Variants in DAB2IP observed in about 807,000 individuals in gnomAD.
The protein encoded by DAB2IP is disabled homolog 2-interacting protein.
A neutral mutation model predicts 107.2 loss-of-function variants in DAB2IP; 28 were observed. That is an observed-to-expected ratio of 0.26 (90% confidence interval 0.19 to 0.36). The LOEUF (loss-of-function observed/expected upper bound fraction) is 0.36, where lower values mean the gene tolerates loss of function less well. DAB2IP is among the 10% of genes least tolerant of loss of function. The probability of loss-of-function intolerance (pLI) is 1.00; values close to 1 mark genes in which losing one functional copy is unlikely to be tolerated. For synonymous variants in DAB2IP, 755 were observed against 706.4 expected (o/e 1.07, Z -1.09); for missense variants, 1,400 against 1,644.7 (o/e 0.85, Z 2.57).
chr9:121,783,300 C>T (rs1009780177), exon 16 of DAB2IP: 1 of 1,404,236 alleles, frequency 7.1e-7, no homozygotes, highest in South Asian at 1.5e-5. Flanking sequence ...GGCTGATGCT[C>T]TAGGGCTCCC....
chr9:121,658,420 A>G (rs73552161), intron 1 of DAB2IP, among the ~76,000 whole-genome samples: 7,692 of 152,282 alleles, frequency 0.051, 402 homozygotes, highest in East Asian at 0.18. Context: ...TGACAGTTGC[A>G]GGGAGGAGGG....
chr9:121,767,620 G>A (rs1000212937), intron 9 of DAB2IP, among the ~76,000 whole-genome samples: 12 of 152,204 alleles, frequency 7.9e-5, no homozygotes, highest in African/African-American at 2.9e-4. Flanking sequence ...GGCCAGACAG[G>A]GCTGTGGGAG....
At chr9:121,731,172 CCT>C (rs1564184931) in intron 3 of DAB2IP, among the ~76,000 whole-genome samples, 1 of 152,180 alleles carries the variant, frequency 6.6e-6, no homozygotes, top group Admixed American at 6.5e-5. Flanking sequence ...TGTACCTTCC[CCT>C]CTCTACTAAA....
intron 2 of DAB2IP, among the ~76,000 whole-genome samples, chr9:121,686,591 G>A (rs1486234802): frequency 6.6e-6 from 1 of 152,110 alleles, no homozygotes; most frequent in Non-Finnish European, 1.5e-5. Context: ...GTACAGTGCT[G>A]GCCTCTCCCA....
intron 1 of DAB2IP, among the ~76,000 whole-genome samples, chr9:121,601,305 G>A (rs950425398): frequency 3.9e-5 from 6 of 152,102 alleles, no homozygotes; most frequent in Admixed American, 6.6e-5. Flanking sequence ...TCCTATCCCC[G>A]CATTCTTCCT....
At chr9:121,610,027 C>G (rs1831034770) in intron 1 of DAB2IP, among the ~76,000 whole-genome samples, 2 of 151,332 alleles carry the variant, frequency 1.3e-5, no homozygotes, top group African/African-American at 4.9e-5. Context: ...GGTTTGGGAA[C>G]TTTCACTCTG....
At chr9:121,730,953 G>T (rs757948491) in intron 3 of DAB2IP, among the ~76,000 whole-genome samples, 3 of 152,224 alleles carry the variant, frequency 2.0e-5, no homozygotes, top group Non-Finnish European at 4.4e-5. Context: ...GGGCACAGAA[G>T]TTGTTGGGGA....
chr9:121,703,080 A>T (rs1829867368), intron 3 of DAB2IP, among the ~76,000 whole-genome samples: 1 of 152,112 alleles, frequency 6.6e-6, no homozygotes, highest in South Asian at 2.1e-4. Flanking sequence ...CCCACACCTG[A>T]AAGTTACTAA....
intron 3 of DAB2IP, among the ~76,000 whole-genome samples, chr9:121,722,357 A>G (rs1050770424): frequency 1.3e-5 from 2 of 152,102 alleles, no homozygotes; most frequent in African/African-American, 4.8e-5. Context: ...GAGGGTTTGA[A>G]CGGCTCTGGC....
intron 11 of DAB2IP, among the ~76,000 whole-genome samples, chr9:121,771,936 A>G (rs1834779494): frequency 6.7e-6 from 1 of 150,200 alleles, no homozygotes; most frequent in African/African-American, 2.5e-5. Flanking sequence ...GCTTTCTTCC[A>G]AGGAGCTAGC....
intron 3 of DAB2IP, among the ~76,000 whole-genome samples, chr9:121,730,595 C>T (rs565292150): frequency 6.6e-6 from 1 of 152,298 alleles, no homozygotes; most frequent in South Asian, 2.1e-4. Flanking sequence ...ACCTAGGCTT[C>T]AGGTATTAGA....
chr9:121,605,363 A>T (rs1293953820), intron 1 of DAB2IP, among the ~76,000 whole-genome samples: 1 of 152,142 alleles, frequency 6.6e-6, no homozygotes, highest in Non-Finnish European at 1.5e-5. Flanking sequence ...AAAAAACTTT[A>T]TTCTGGCTGT....
chr9:121,773,688 C>A (rs777106050), intron 12 of DAB2IP, among the ~76,000 whole-genome samples, 193 bp downstream of exon 12: 1 of 152,198 alleles, frequency 6.6e-6, no homozygotes. Flanking sequence ...ACCAGGGACA[C>A]TGTAGCCTTG....
chr9:121,642,940 A>T (rs1832414402), intron 1 of DAB2IP, among the ~76,000 whole-genome samples: 1 of 150,128 alleles, frequency 6.7e-6, no homozygotes, highest in African/African-American at 2.4e-5. Context: ...GGCCTGAATG[A>T]CAGGAAGGAG....
At chr9:121,578,935 C>CTGAACGGG (rs1830128540) in intron 1 of DAB2IP, among the ~76,000 whole-genome samples, 1 of 151,898 alleles carries the variant, frequency 6.6e-6, no homozygotes, top group African/African-American at 2.4e-5. Context: ...CAACTCAACA[C>CTGAACGGG]CACTCCCTGC....
chr9:121,749,653 C>A (rs573912178), intron 3 of DAB2IP, among the ~76,000 whole-genome samples: 4 of 152,288 alleles, frequency 2.6e-5, no homozygotes, highest in East Asian at 3.9e-4. Context: ...GGCCTCCTCA[C>A]GGGGGTCTAC....
At position 121,772,396 on chromosome 9, in the gene DAB2IP, A is replaced by C. The variant is rs1294667490; in HGVS notation, c.2079-211A>C. Reference sequence around the variant, plus strand: ...CCTGAAATGTGCAGTGCTGGCCCCTAAAGAAGAGGTTCTGTGCAGGAGCAG... The same window carrying C: ...CCTGAAATGTGCAGTGCTGGCCCCTCAAGAAGAGGTTCTGTGCAGGAGCAG... On this transcript the variant is annotated intron_variant, in intron 11 of 15. Coordinates refer to ENST00000408936, the Ensembl canonical transcript of DAB2IP. This position sits in a 1 kb window ranked among gnomAD's most constrained non-coding sequence, Gnocchi z 4.7. Among the ~76,000 whole-genome samples, 1 of 152,112 alleles carries C rather than the reference A, an allele frequency of 6.6e-6. No homozygotes were observed. Among genetic ancestry groups the C allele is most frequent in the Non-Finnish European group, 1.5e-5 (1 of 68,012 alleles).
chr9:121,583,262 G>A (rs79951869), intron 1 of DAB2IP, among the ~76,000 whole-genome samples: 2,942 of 152,226 alleles, frequency 0.019, 35 homozygotes, highest in South Asian at 0.039. Flanking sequence ...GGTGGCAGGC[G>A]TCTGTGGTGT....
chr9:121,640,312 T>C (rs1019589951), intron 1 of DAB2IP, among the ~76,000 whole-genome samples: 4 of 151,774 alleles, frequency 2.6e-5, no homozygotes, highest in African/African-American at 9.7e-5. Context: ...GAGGTAGGTG[T>C]GGGCCTGGGT....
Sources: allele counts gnomAD v4.1 joint callset (sites outside exome capture counted in the v4.1 genomes callset), GRCh38; gene constraint gnomAD v4.1.1; non-coding constraint Gnocchi (gnomAD v3.1); transcripts MANE v1.5; gene names NCBI Gene and HGNC (gene_info 2026-07-23, HGNC 2026-07-21).